The following CPNE4 variants were observed in gnomAD, a reference collection of about 807,000 sequenced individuals.
CPNE4 encodes the protein copine-4.
Under a neutral mutation model 67.9 loss-of-function variants are expected in CPNE4, and 25 were observed. That is an observed-to-expected ratio of 0.37 (90% CI 0.27 to 0.51). CPNE4 has a LOEUF of 0.51. CPNE4 is among the 20% of genes least tolerant of loss of function. The pLI is 0.93. For synonymous variants in CPNE4, 242 were observed against 244.9 expected (o/e 0.99, Z 0.11); for missense variants, 464 against 690.8 (o/e 0.67, Z 3.68).
At chr3:131,828,012 A>G (rs1372774873) in intron 2 of CPNE4, among the ~76,000 whole-genome samples, 2 of 152,026 alleles carry the variant, frequency 1.3e-5, no homozygotes, top group Non-Finnish European at 2.9e-5. Flanking sequence ...GGAGAAAGAA[A>G]CAGAAGAAAC....
intron 3 of CPNE4, 74 bp from the exon 4 acceptor site, chr3:131,700,054 CTTTTTTTTTTTTTT>C (rs3035263): frequency 7.9e-6 from 2 of 254,758 alleles, no homozygotes; most frequent in East Asian, 1.0e-4. Flanking sequence ...TTTTTTAAAC[CTTTTTTTTTTTTTT>C]TTTTTTTTTA....
At chr3:131,784,209 T>C (rs1380292165) in intron 2 of CPNE4, among the ~76,000 whole-genome samples, 1 of 152,028 alleles carries the variant, frequency 6.6e-6, no homozygotes, top group Admixed American at 6.6e-5. Context: ...TGCTTGGCAC[T>C]TTCTATGCAG....
intron 2 of CPNE4, among the ~76,000 whole-genome samples, chr3:131,806,266 A>C (rs988074461): frequency 6.6e-5 from 10 of 152,142 alleles, no homozygotes; most frequent in African/African-American, 2.4e-4. Flanking sequence ...AAATTAAAAT[A>C]TTGGCCAGGC....
intron 7 of CPNE4, among the ~76,000 whole-genome samples, chr3:131,651,933 T>A (rs1290766118): frequency 6.6e-6 from 1 of 152,120 alleles, no homozygotes; most frequent in Non-Finnish European, 1.5e-5. Flanking sequence ...TATCACATGA[T>A]TCTAAGGAGT....
At chr3:131,961,515 A>G (rs1451931918) in intron 1 of CPNE4, among the ~76,000 whole-genome samples, 1 of 152,204 alleles carries the variant, frequency 6.6e-6, no homozygotes, top group Non-Finnish European at 1.5e-5. Flanking sequence ...GCTAAGATAC[A>G]GCATTTTCTG....
intron 1 of CPNE4, among the ~76,000 whole-genome samples, chr3:131,942,613 C>A (rs552354894): frequency 1.3e-5 from 2 of 151,996 alleles, no homozygotes; most frequent in South Asian, 4.2e-4. Context: ...TATCTTTCAC[C>A]TTTACCTGAT....
At chr3:131,877,934 C>T (rs761247082) in intron 2 of CPNE4, among the ~76,000 whole-genome samples, 8 of 152,212 alleles carry the variant, frequency 5.3e-5, no homozygotes, top group Non-Finnish European at 1.5e-5. Context: ...CATTGAGACA[C>T]TACTACATAT....
chr3:131,843,549 A>G (rs946820330), intron 2 of CPNE4, among the ~76,000 whole-genome samples: 6 of 152,258 alleles, frequency 3.9e-5, no homozygotes, highest in African/African-American at 1.4e-4. Context: ...GTGTGTTGAC[A>G]GTGTCCACGG....
intron 3 of CPNE4, among the ~76,000 whole-genome samples, chr3:131,706,556 A>G (rs2081418067): frequency 6.6e-6 from 1 of 152,174 alleles, no homozygotes; most frequent in African/African-American, 2.4e-5. Context: ...TTCCAAAGTT[A>G]ACCTAAGAAA....
chr3:131,634,646 C>G (rs182770677), intron 7 of CPNE4, among the ~76,000 whole-genome samples: 1 of 152,256 alleles, frequency 6.6e-6, no homozygotes, highest in East Asian at 1.9e-4. Flanking sequence ...CTTCAATATT[C>G]TCATTCTTGA....
chr3:131,552,645 A>C (rs1045327310), intron 12 of CPNE4, among the ~76,000 whole-genome samples, 154 bp from the exon 13 acceptor site: 2 of 152,116 alleles, frequency 1.3e-5, no homozygotes, highest in African/African-American at 2.4e-5. Context: ...TTACACAATC[A>C]ATATGAGATG....
At chr3:131,773,877 A>T (rs951767317) in intron 2 of CPNE4, among the ~76,000 whole-genome samples, 2 of 152,162 alleles carry the variant, frequency 1.3e-5, no homozygotes, top group Admixed American at 1.3e-4. Flanking sequence ...AAAACTCTTT[A>T]CAAATATTTT....
chr3:131,669,229 AG>A (rs1421679438), intron 7 of CPNE4, among the ~76,000 whole-genome samples: 3 of 152,226 alleles, frequency 2.0e-5, no homozygotes. Flanking sequence ...GAGAAAGTCC[AG>A]GCAAGATCAA....
intron 1 of CPNE4, among the ~76,000 whole-genome samples, chr3:132,026,043 A>C (rs1192537525): frequency 3.9e-5 from 6 of 152,216 alleles, no homozygotes; most frequent in African/African-American, 1.4e-4. Flanking sequence ...CAGTAGTAAT[A>C]TGTCATACAA....
At chr3:131,627,385 TG>T (rs1419551997) in intron 7 of CPNE4, among the ~76,000 whole-genome samples, 7 of 152,260 alleles carry the variant, frequency 4.6e-5, no homozygotes, top group African/African-American at 1.7e-4. Flanking sequence ...ATAATATTAC[TG>T]CTCATTGAAA....
At chr3:131,890,877 T>A (rs1424977447) in intron 2 of CPNE4, among the ~76,000 whole-genome samples, 1 of 152,068 alleles carries the variant, frequency 6.6e-6, no homozygotes, top group Non-Finnish European at 1.5e-5. Flanking sequence ...ATTCCTCTTA[T>A]AAGAGACATC....
chr3:131,626,281 G>A (rs1448596313), intron 7 of CPNE4, among the ~76,000 whole-genome samples: 3 of 152,192 alleles, frequency 2.0e-5, no homozygotes, highest in African/African-American at 7.2e-5. Context: ...AAAGCCTAAA[G>A]AGGCCAATAG....
chr3:131,858,785 G>A (rs1053559380), intron 2 of CPNE4, among the ~76,000 whole-genome samples: 4 of 152,110 alleles, frequency 2.6e-5, no homozygotes, highest in African/African-American at 9.7e-5. Context: ...AGGCAATAAC[G>A]TTCATTATAC....
intron 7 of CPNE4, among the ~76,000 whole-genome samples, chr3:131,638,073 T>C (rs1275373041): frequency 6.6e-6 from 1 of 151,566 alleles, no homozygotes; most frequent in Non-Finnish European, 1.5e-5. Flanking sequence ...TACACCAAAA[T>C]AGAAGCTCCT....
Sources: allele counts gnomAD v4.1 joint callset (sites outside exome capture counted in the v4.1 genomes callset), GRCh38; gene constraint gnomAD v4.1.1; transcripts MANE v1.5; gene names NCBI Gene and HGNC (gene_info 2026-07-23, HGNC 2026-07-21).